Variants in MAML2 observed in about 807,000 individuals in gnomAD.
MAML2 encodes the protein mastermind like transcriptional coactivator 2, also known as mastermind-like protein 2.
MAML2 carries 22 observed loss-of-function variants against 96.1 expected under a neutral mutation model. That is an observed-to-expected ratio of 0.23 (90% CI 0.16 to 0.33). MAML2 has a LOEUF of 0.33. Ranked by LOEUF, MAML2 falls within the 10% of genes least tolerant of loss-of-function variation. The pLI, the probability that MAML2 is intolerant of heterozygous loss-of-function variation, is 1.00. For missense variants in MAML2, 1,367 were observed against 1,392.4 expected (o/e 0.98, Z 0.29); for synonymous variants, 561 against 521.3 (o/e 1.08, Z -1.04).
intron 1 of MAML2, among the ~76,000 whole-genome samples, chr11:96,326,940 G>A (rs1482065632): frequency 6.6e-6 from 1 of 152,194 alleles, no homozygotes; most frequent in Non-Finnish European, 1.5e-5. Context: ...TGGTCTCATA[G>A]AGCTTACATT....
chr11:96,155,522 A>T (rs1238783625), intron 1 of MAML2, among the ~76,000 whole-genome samples: 1 of 56,618 alleles, frequency 1.8e-5, no homozygotes, highest in Non-Finnish European at 3.9e-5. Flanking sequence ...ATATATATAT[A>T]TATATATATA....
At chr11:96,017,143 G>A (rs539271841) in intron 2 of MAML2, among the ~76,000 whole-genome samples, 11 of 152,120 alleles carry the variant, frequency 7.2e-5, no homozygotes, top group Non-Finnish European at 1.6e-4. Flanking sequence ...TTTTGAGGTA[G>A]GTAGATCTTA....
rs375657055 is a variant in MAML2, at chr11:96,150,178, C to G, written c.514-56661G>C. Among the ~76,000 whole-genome samples, 6 of 152,350 alleles carry G rather than the reference C, an allele frequency of 3.9e-5. No homozygotes were observed. The East Asian group carries it at 1.2e-3, about 29-fold the overall frequency. ...CCATCACAGCAAGAAAAGCTTTGCT[C>G]TTCCTCCTGATTCATACATCAAACA... is the stretch of plus-strand genomic sequence containing the variant. On this transcript the variant is annotated intron_variant, in intron 1 of 4. Transcript: ENST00000524717.
chr11:96,275,561 A>T (rs1010351977), intron 1 of MAML2, among the ~76,000 whole-genome samples: 1 of 151,994 alleles, frequency 6.6e-6, no homozygotes, highest in African/African-American at 2.4e-5. Context: ...GAGCCACCAC[A>T]CCCGGCCAGA....
At chr11:96,129,279 G>T (rs1448902548) in intron 1 of MAML2, among the ~76,000 whole-genome samples, 1 of 152,120 alleles carries the variant, frequency 6.6e-6, no homozygotes, top group East Asian at 1.9e-4. Context: ...AATAAGTAAA[G>T]AAGAGGTCTC....
At chr11:96,291,958 A>C (rs759018269) in intron 1 of MAML2, among the ~76,000 whole-genome samples, 3 of 152,236 alleles carry the variant, frequency 2.0e-5, no homozygotes, top group Non-Finnish European at 4.4e-5. Context: ...TTTATGCAGC[A>C]TGTGAGTCTC....
chr11:96,317,444 G>A (rs1863646799), intron 1 of MAML2, among the ~76,000 whole-genome samples: 2 of 152,136 alleles, frequency 1.3e-5, no homozygotes, highest in Non-Finnish European at 2.9e-5. Flanking sequence ...GTAGAGGCCC[G>A]GGAAATTATG....
Position 95,991,750 on chromosome 11 carries a change from A to G in MAML2, c.2140-27T>C, listed in dbSNP as rs75315742. On this transcript the variant is annotated intron_variant, in intron 2 of 4. Coordinates refer to ENST00000524717, the MANE Select transcript of MAML2 (RefSeq NM_032427.4). ...TAAAGAAGAGAAAGGGGGAAGGAAA[A>G]GCTACTGTGAATTAAAAAAAGAAAA... 8,896 of 1,582,966 alleles carry G rather than the reference A, an allele frequency of 5.6e-3. 473 individuals are homozygous for G. The African/African-American group carries it at 0.11, about 19-fold the overall frequency.
rs147491224 is a variant in MAML2 at position 96,043,114 on chromosome 11, A to G, written c.2139+48778T>C. On this transcript the variant is annotated intron_variant, in intron 2 of 4. Transcript: ENST00000524717. ...TGGGTTCTCCAGGGAACACACAAAGAACACCATCTTTATCTTAGATCAGCT... is the reference window on the plus strand; with the variant it reads ...TGGGTTCTCCAGGGAACACACAAAGGACACCATCTTTATCTTAGATCAGCT... 5.5e-3 allele frequency among the ~76,000 whole-genome samples: 841 copies of G among 152,306 alleles called. 5 individuals are homozygous for G. Among genetic ancestry groups the G allele is most frequent in the African/African-American group, 0.019 (795 of 41,564 alleles).
At chr11:96,210,235 A>C (rs764571642) in intron 1 of MAML2, among the ~76,000 whole-genome samples, 19 of 152,016 alleles carry the variant, frequency 1.2e-4, no homozygotes, top group Non-Finnish European at 2.5e-4. Flanking sequence ...TCAGCCTCTC[A>C]AATAGCTGGG....
chr11:96,078,837 A>G (rs1214683601), intron 2 of MAML2, among the ~76,000 whole-genome samples: 3 of 152,256 alleles, frequency 2.0e-5, no homozygotes, highest in Non-Finnish European at 4.4e-5. Context: ...ATTCATTTTA[A>G]ATCCTATCCT....
At position 96,093,039 on chromosome 11, in the gene MAML2, T is replaced by C. The variant is rs1266648746; in HGVS notation, c.992A>G (p.Asn331Ser). The change falls in exon 2 of 5, where the codon AAT becomes AGT. Residue 331 changes from asparagine (N) to serine (S), a missense_variant. Transcript: ENST00000524717. ...TGGGTCATCCTGCTTTATGGTGGCA[T>C]TGATCATGTTCTCCAGTTCAAGGTC... ...MSDLELENMI[N>S]ATIKQDDPFN... 2 of 1,614,018 alleles carry C rather than the reference T, an allele frequency of 1.2e-6. No homozygotes were observed. Among genetic ancestry groups the C allele is most frequent in the Non-Finnish European group, 1.7e-6 (2 of 1,179,882 alleles).
intron 2 of MAML2, among the ~76,000 whole-genome samples, chr11:96,021,665 C>A (rs1424718545): frequency 6.6e-6 from 1 of 152,182 alleles, no homozygotes; most frequent in Non-Finnish European, 1.5e-5. Context: ...GGTGGCTGCT[C>A]CAACACCTAT....
At chr11:96,117,577 G>C (rs1860265983) in intron 1 of MAML2, among the ~76,000 whole-genome samples, 1 of 152,118 alleles carries the variant, frequency 6.6e-6, no homozygotes, top group South Asian at 2.1e-4. Flanking sequence ...TGGGATTACA[G>C]ACATGAGCCA....
intron 1 of MAML2, among the ~76,000 whole-genome samples, chr11:96,166,393 G>T (rs766782156): frequency 6.6e-6 from 1 of 152,146 alleles, no homozygotes; most frequent in Non-Finnish European, 1.5e-5. Context: ...GGTTATTTTC[G>T]TTAAGTTAAA....
At chr11:96,097,588 CCAGGGCTCA>C (rs1311061713) in intron 1 of MAML2, among the ~76,000 whole-genome samples, 1 of 152,008 alleles carries the variant, frequency 6.6e-6, no homozygotes, top group Non-Finnish European at 1.5e-5. Flanking sequence ...CACACAGTGC[CCAGGGCTCA>C]CAACAGTTAT....
At chr11:96,243,070 C>A (rs745849918) in intron 1 of MAML2, among the ~76,000 whole-genome samples, 7 of 151,658 alleles carry the variant, frequency 4.6e-5, no homozygotes, top group Admixed American at 2.0e-4. Context: ...ACACACACAC[C>A]CCCTCTTTGT....
chr11:96,094,350 C>A (rs1404163027), intron 1 of MAML2, among the ~76,000 whole-genome samples: 3 of 152,198 alleles, frequency 2.0e-5, no homozygotes, highest in Non-Finnish European at 4.4e-5. Flanking sequence ...CAGCAACTTA[C>A]CTGAGCCTCA....
chr11:96,336,614 T>C (rs886515345), intron 1 of MAML2, among the ~76,000 whole-genome samples: 2 of 152,198 alleles, frequency 1.3e-5, no homozygotes, highest in African/African-American at 4.8e-5. Context: ...AAGAAAGCAG[T>C]AGAATCCATT....
Sources: gnomAD v4.1 joint callset for allele counts (sites outside exome capture counted in the v4.1 genomes callset) on GRCh38, gnomAD v4.1.1 for gene constraint, MANE v1.5 for transcripts, NCBI Gene and HGNC (gene_info 2026-07-23, HGNC 2026-07-21) for gene names.